Variants in PIN4 observed in about 807,000 individuals in gnomAD.
The protein encoded by PIN4 is peptidyl-prolyl cis-trans isomerase NIMA-interacting 4.
In PIN4, 3 loss-of-function variants were observed where a neutral mutation model predicts 8.3. The ratio of observed to expected loss-of-function variants is 0.36; its 90% confidence interval spans 0.16 to 0.93. The LOEUF is 0.93. Among genes scored for constraint, PIN4 ranks in the 40% least tolerant of loss-of-function variants. PIN4 has a pLI of 0.44. For missense variants in PIN4, 75 were observed against 100.6 expected (o/e 0.75, Z 1.09); for synonymous variants, 18 against 32.5 (o/e 0.55, Z 1.52).
chrX:72,249,432 C>G (rs2043078873), intron 3 of PIN4, among the ~76,000 whole-genome samples: 1 of 111,521 alleles, frequency 9.0e-6, no homozygotes, highest in Non-Finnish European at 1.9e-5. Flanking sequence ...AATTCCACTC[C>G]AAGAGAAATG....
At chrX:72,195,503 G>A (rs1338609642) in intron 2 of PIN4, among the ~76,000 whole-genome samples, 1 of 110,721 alleles carries the variant, frequency 9.0e-6, no homozygotes, top group Non-Finnish European at 1.9e-5. Flanking sequence ...TTAGCTGGGC[G>A]TGGTGGTGCG....
intron 2 of PIN4, among the ~76,000 whole-genome samples, chrX:72,188,085 C>A (rs1286375297): frequency 9.0e-6 from 1 of 111,209 alleles, no homozygotes; most frequent in Non-Finnish European, 1.9e-5. Context: ...GTGTGAGCAT[C>A]CAATCATGTG....
At chrX:72,254,716 A>C (rs779700218) in intron 3 of PIN4, among the ~76,000 whole-genome samples, 4 of 112,581 alleles carry the variant, frequency 3.6e-5, no homozygotes, top group African/African-American at 1.3e-4. Context: ...AGTCTGATCT[A>C]TTCGTGAACT....
At chrX:72,210,970 T>C (rs2042850848) in intron 3 of PIN4, among the ~76,000 whole-genome samples, 2 of 111,788 alleles carry the variant, frequency 1.8e-5, no homozygotes, top group South Asian at 7.4e-4. Flanking sequence ...TGGTATTCTT[T>C]CCCTACAATG....
At chrX:72,189,187 G>A (rs2042719289) in intron 2 of PIN4, among the ~76,000 whole-genome samples, 1 of 110,943 alleles carries the variant, frequency 9.0e-6, no homozygotes, top group Admixed American at 9.6e-5. Context: ...AAAGAAAAAG[G>A]AAAAGAAATA....
intron 3 of PIN4, among the ~76,000 whole-genome samples, chrX:72,251,362 C>CAAAATAAAAAAAAAAAAA (rs2043086882): frequency 1.5e-5 from 1 of 65,628 alleles, no homozygotes. Context: ...GACTCTGTCT[C>CAAAATAAAAAAAAAAAAA]AAAAAAAAAA....
chrX:72,202,018 T>C (rs138962769), downstream of PIN4, among the ~76,000 whole-genome samples: 2 of 112,768 alleles, frequency 1.8e-5, no homozygotes, highest in African/African-American at 6.5e-5. Flanking sequence ...ATGGAAAGGA[T>C]GACGTGAAGT....
At chrX:72,239,915 TA>T (rs999126315) in intron 3 of PIN4, among the ~76,000 whole-genome samples, 3 of 109,184 alleles carry the variant, frequency 2.7e-5, no homozygotes, top group Admixed American at 9.8e-5. Flanking sequence ...CCCGTCTCTT[TA>T]AAAAAAATTT....
chrX:72,190,112 A>G (rs1162388976), intron 2 of PIN4, among the ~76,000 whole-genome samples: 7 of 109,944 alleles, frequency 6.4e-5, no homozygotes, highest in African/African-American at 1.7e-4. Context: ...AGCCCACCCT[A>G]ATCTCCCCAC....
At chrX:72,231,876 A>C (rs2042985387) in intron 3 of PIN4, among the ~76,000 whole-genome samples, 1 of 111,980 alleles carries the variant, frequency 8.9e-6, no homozygotes, top group African/African-American at 3.2e-5. Flanking sequence ...CGTGCATTGA[A>C]ACATCACATT....
chrX:72,222,130 C>T (rs1279963929), intron 3 of PIN4, among the ~76,000 whole-genome samples: 1 of 110,675 alleles, frequency 9.0e-6, no homozygotes, highest in Non-Finnish European at 1.9e-5. Flanking sequence ...CAGCCATTCT[C>T]CCTCTCCGGG....
chrX:72,225,163 C>CT (rs1176610801), intron 3 of PIN4, among the ~76,000 whole-genome samples: 2 of 111,676 alleles, frequency 1.8e-5, no homozygotes, highest in African/African-American at 6.5e-5. Context: ...CTCAAAGATG[C>CT]TTTTTTTACT....
At chrX:72,224,535 T>C (rs1010230370) in intron 3 of PIN4, among the ~76,000 whole-genome samples, 2 of 111,566 alleles carry the variant, frequency 1.8e-5, no homozygotes, top group East Asian at 5.6e-4. Flanking sequence ...TCACCTGAGT[T>C]TGGGAGCTTG....
chrX:72,204,440 CAG>C (rs2042804422), intron 3 of PIN4, among the ~76,000 whole-genome samples: 4 of 111,817 alleles, frequency 3.6e-5, no homozygotes, highest in African/African-American at 1.3e-4. Flanking sequence ...GCTGAGTAAA[CAG>C]TGTGTTATAC....
intron 3 of PIN4, among the ~76,000 whole-genome samples, chrX:72,224,003 G>C (rs2042940666): frequency 9.0e-6 from 1 of 111,150 alleles, no homozygotes; most frequent in Non-Finnish European, 1.9e-5. Context: ...GAGGCCCCCT[G>C]ACCATCACAG....
chrX:72,240,845 A>G (rs1186055316), intron 3 of PIN4, among the ~76,000 whole-genome samples: 1 of 110,640 alleles, frequency 9.0e-6, no homozygotes, highest in Non-Finnish European at 1.9e-5. Flanking sequence ...CTTGGAGAAC[A>G]TGGGCTATTT....
chrX:72,198,124 C>G lies in PIN4; in HGVS notation c.*598C>G. 2.7e-6 allele frequency: 2 copies of G among 747,191 alleles called. No homozygotes were observed. The highest frequency in any genetic ancestry group is 4.6e-5 in the African/African-American group (2 of 43,716). 61.6% of individuals were successfully genotyped at this position (747,191 alleles called of 1,213,427 possible). A position where few individuals can be genotyped will look rare whatever the true frequency, so the allele number is the denominator to read the frequency against. On this transcript the variant is annotated 3_prime_UTR_variant, in exon 4 of 4. Coordinates refer to ENST00000373669, the MANE Select transcript of PIN4 (RefSeq NM_006223.4). ...GTTCCATGAGTTGTTTTGTACTAGA[C>G]TAACCGAGTGCTGGTTAAAGGGAGG... is the stretch of plus-strand genomic sequence containing the variant.
intron 1 of PIN4, 108 bp downstream of exon 1, chrX:72,181,936 G>A (rs1276007492): frequency 5.6e-6 from 3 of 534,196 alleles, no homozygotes; most frequent in Non-Finnish European, 6.7e-6. Flanking sequence ...GTAGCCAGTG[G>A]CCCCACAGTG....
At chrX:72,211,240 C>A (rs1331220107) in intron 3 of PIN4, among the ~76,000 whole-genome samples, 1 of 110,696 alleles carries the variant, frequency 9.0e-6, no homozygotes, top group Non-Finnish European at 1.9e-5. Flanking sequence ...AGAATTGCTC[C>A]CCTATTTTCC....
Sources: allele counts gnomAD v4.1 joint callset (sites outside exome capture counted in the v4.1 genomes callset), GRCh38; gene constraint gnomAD v4.1.1; transcripts MANE v1.5; gene names NCBI Gene and HGNC (gene_info 2026-07-23, HGNC 2026-07-21).